Variants in PEPD observed in about 807,000 individuals in gnomAD.
PEPD encodes xaa-Pro dipeptidase.
PEPD carries 53 observed loss-of-function variants against 60.7 expected under a neutral mutation model. The ratio of observed to expected loss-of-function variants is 0.87; its 90% CI spans 0.70 to 1.10. PEPD has a LOEUF of 1.10. PEPD is among the 50% of genes least tolerant of loss of function. PEPD has a pLI of 0.00. For missense variants in PEPD, 711 were observed against 711.9 expected, an observed-to-expected ratio of 1.00 and a Z score of 0.01; for synonymous variants, 267 against 284.1, an observed-to-expected ratio of 0.94 and a Z score of 0.60.
rs1970696643 is a variant in PEPD at position 33,500,921 on chromosome 19, A to C, written c.393+17T>G. 6 of 1,513,978 alleles carry C rather than the reference A, an allele frequency of 4.0e-6. No individual in the cohort carries two copies. Among genetic ancestry groups the C allele is most frequent in the Non-Finnish European group, 5.5e-6 (6 of 1,089,450 alleles). The allele number at this position is 1,513,978 out of a possible 1,614,324, so 93.8% of individuals were successfully genotyped here. On this transcript the variant is annotated intron_variant, in intron 4 of 14. Transcript: ENST00000244137. ...CTGGAAGCCCTGGGCTGCTCAGAGG[A>C]GGAGCCGGCTACCCACCTCATCTAC...
intron 12 of PEPD, among the ~76,000 whole-genome samples, chr19:33,395,386 G>A (rs931375760): frequency 6.6e-6 from 1 of 152,134 alleles, no homozygotes; most frequent in African/African-American, 2.4e-5. Flanking sequence ...CTTCTCTCAT[G>A]GCTCTCCTGC....
chr19:33,448,146 A>G (rs557120035), intron 9 of PEPD, among the ~76,000 whole-genome samples: 15 of 152,200 alleles, frequency 9.9e-5, no homozygotes, highest in Non-Finnish European at 1.6e-4. Flanking sequence ...TCCCGCAGGG[A>G]GCGTCTTTCG....
At chr19:33,502,323 C>A (rs969647644) in intron 3 of PEPD, among the ~76,000 whole-genome samples, 1 of 152,144 alleles carries the variant, frequency 6.6e-6, no homozygotes, top group African/African-American at 2.4e-5. Context: ...CCCAAATAGG[C>A]CTCAGACAAA....
intron 9 of PEPD, among the ~76,000 whole-genome samples, chr19:33,438,973 G>C (rs1568471588): frequency 6.6e-6 from 1 of 152,216 alleles, no homozygotes; most frequent in Non-Finnish European, 1.5e-5. Flanking sequence ...ACCTGCCTTG[G>C]CCTCCCAAAG....
At chr19:33,490,791 G>C (rs1970483477) in intron 5 of PEPD, among the ~76,000 whole-genome samples, 1 of 152,184 alleles carries the variant, frequency 6.6e-6, no homozygotes. Flanking sequence ...AGCCTCTCGA[G>C]TAGCTGGGAT....
chr19:33,403,557 G>A (rs927791521), intron 11 of PEPD, among the ~76,000 whole-genome samples: 1 of 152,224 alleles, frequency 6.6e-6, no homozygotes, highest in African/African-American at 2.4e-5. Context: ...GCGCCTGCCT[G>A]TGGGGGGTCC....
chr19:33,456,174 G>A lies in PEPD; in HGVS notation c.671+6821C>T, dbSNP rs368953591. 4.0e-4 allele frequency among the ~76,000 whole-genome samples: 61 copies of A among 152,156 alleles called. 1 individual carries two copies. The South Asian group carries it at 0.012, about 30-fold the overall frequency. On this transcript the variant is annotated intron_variant, in intron 9 of 14. Transcript: ENST00000244137. ...CGCTGAGAGCCCCAGTTTCATTCTC[G>A]GATCCCTGGCTCTGTCGAATCTCTG... is the stretch of plus-strand genomic sequence containing the variant.
At chr19:33,464,159 C>A in intron 7 of PEPD, 97 bp from the exon 8 acceptor site, 1 of 855,792 alleles carries the variant, frequency 1.2e-6, no homozygotes, top group Non-Finnish European at 2.0e-6. Flanking sequence ...ACACCCTGCA[C>A]AGCCCAGAAG....
chr19:33,496,234 G>C (rs3786914), intron 4 of PEPD, among the ~76,000 whole-genome samples: 8,759 of 152,176 alleles, frequency 0.058, 464 homozygotes, highest in African/African-American at 0.13. Context: ...GGGAGGAGCA[G>C]GATAACAAAT....
At chr19:33,422,313 A>G (rs919395869) in intron 9 of PEPD, among the ~76,000 whole-genome samples, 2 of 152,060 alleles carry the variant, frequency 1.3e-5, no homozygotes, top group African/African-American at 4.8e-5. Flanking sequence ...ACCATCTGAC[A>G]TGTTTATCTA....
chr19:33,412,260 T>C (rs1247542807), intron 10 of PEPD, among the ~76,000 whole-genome samples: 1 of 152,068 alleles, frequency 6.6e-6, no homozygotes, highest in Non-Finnish European at 1.5e-5. Flanking sequence ...GCTAGGAGGA[T>C]CACCTGAGCC....
chr19:33,473,448 CAT>C (rs1429674726), intron 7 of PEPD, among the ~76,000 whole-genome samples: 1 of 152,196 alleles, frequency 6.6e-6, no homozygotes, highest in African/African-American at 2.4e-5. Flanking sequence ...CAGAAATAGA[CAT>C]GTTACCCACC....
At chr19:33,427,816 C>A (rs1279744508) in intron 9 of PEPD, among the ~76,000 whole-genome samples, 2 of 152,146 alleles carry the variant, frequency 1.3e-5, no homozygotes, top group Non-Finnish European at 2.9e-5. Context: ...TTATTCTTTG[C>A]CTATCGATGC....
intron 7 of PEPD, among the ~76,000 whole-genome samples, chr19:33,474,910 G>A (rs12710011): frequency 0.4 from 59,744 of 151,128 alleles, 12,456 homozygotes; most frequent in African/African-American, 0.53. Context: ...AGCCCAGGAG[G>A]TCAAGGCTGC....
intron 9 of PEPD, among the ~76,000 whole-genome samples, chr19:33,460,716 C>G (rs570229954): frequency 1.7e-4 from 26 of 152,290 alleles, no homozygotes; most frequent in Non-Finnish European, 3.7e-4. Context: ...ACAGCATGGG[C>G]AGCAGGTACA....
intron 9 of PEPD, among the ~76,000 whole-genome samples, chr19:33,443,175 C>A (rs557703045): frequency 3.3e-5 from 5 of 152,244 alleles, no homozygotes; most frequent in African/African-American, 1.2e-4. Context: ...AATCACACAG[C>A]GTGTGGCTCT....
At chr19:33,417,418 G>A (rs546239184) in intron 9 of PEPD, among the ~76,000 whole-genome samples, 33 of 152,278 alleles carry the variant, frequency 2.2e-4, no homozygotes, top group Middle Eastern at 3.4e-3. Context: ...GGTGTGTTCC[G>A]CACCCCGGTC....
At chr19:33,468,525 G>A (rs145436496) in intron 7 of PEPD, among the ~76,000 whole-genome samples, 3,358 of 152,312 alleles carry the variant, frequency 0.022, 54 homozygotes, top group Admixed American at 0.048. Context: ...CGAGGATGGC[G>A]GGAATGCGAG....
intron 9 of PEPD, among the ~76,000 whole-genome samples, chr19:33,435,257 G>A (rs113790227): frequency 4.3e-4 from 65 of 152,016 alleles, no homozygotes; most frequent in African/African-American, 1.5e-3. Flanking sequence ...GTCTGATCCC[G>A]ACTCAAAGCC....
Sources: allele counts gnomAD v4.1 joint callset (sites outside exome capture counted in the v4.1 genomes callset), GRCh38; gene constraint gnomAD v4.1.1; transcripts MANE v1.5; gene names NCBI Gene and HGNC (gene_info 2026-07-23, HGNC 2026-07-21).